NRF1: variants seen among roughly 807,000 people sequenced by gnomAD.
NRF1 encodes the protein nuclear respiratory factor 1.
Under a neutral mutation model 58.5 loss-of-function variants are expected in NRF1, and 5 were observed. That is an observed-to-expected ratio of 0.09 (90% confidence interval 0.04 to 0.18). The LOEUF is 0.18. Among genes scored for constraint, NRF1 ranks in the 10% least tolerant of loss-of-function variants. The pLI is 1.00. For synonymous variants in NRF1, 224 were observed against 246.7 expected (o/e 0.91, Z 0.86); for missense variants, 288 against 657.7 (o/e 0.44, Z 6.15).
intron 1 of NRF1, among the ~76,000 whole-genome samples, chr7:129,620,053 G>T (rs527359188): frequency 6.6e-6 from 1 of 152,156 alleles, no homozygotes; most frequent in African/African-American, 2.4e-5. Context: ...AAAAGTCAAG[G>T]GCCTTTACTA....
intron 7 of NRF1, 41 bp downstream of exon 7, chr7:129,710,612 T>C (rs1405114513): frequency 9.9e-7 from 1 of 1,012,980 alleles, no homozygotes; most frequent in Non-Finnish European, 1.6e-6. Flanking sequence ...GCTTCTGAGA[T>C]GGATCAGTGG....
intron 4 of NRF1, 36 bp downstream of exon 4, chr7:129,677,794 G>T (rs1323931225): frequency 6.2e-7 from 1 of 1,608,816 alleles, no homozygotes; most frequent in South Asian, 1.1e-5. Context: ...TTTGCCCTTT[G>T]CTTTCTGTCG....
At chr7:129,659,072 A>ATTTTTT (rs1562962257) in intron 2 of NRF1, among the ~76,000 whole-genome samples, 1 of 80,944 alleles carries the variant, frequency 1.2e-5, no homozygotes, top group Non-Finnish European at 2.2e-5. Flanking sequence ...ACACCACAGG[A>ATTTTTT]CTTTTTTTTT....
At chr7:129,647,248 C>T (rs900574467) in intron 1 of NRF1, among the ~76,000 whole-genome samples, 3 of 151,748 alleles carry the variant, frequency 2.0e-5, no homozygotes, top group South Asian at 2.1e-4. Flanking sequence ...CATGTTGGCC[C>T]GGCTGACTCC....
rs143828550 is a variant in NRF1 at position 129,612,868 on chromosome 7, C to G, written c.-7+1044C>G. Among the ~76,000 whole-genome samples the G allele has an allele frequency of 2.2e-3, 330 of 152,328 alleles. 3 individuals carry two copies. The highest frequency in any genetic ancestry group is 7.2e-3 in the African/African-American group (298 of 41,564). ...CTGCAGTGTATTTGGCTGTGCCCAC[C>G]AGAACTTGAAGTTGTTTAAAAATCT... On this transcript the variant is annotated intron_variant, in intron 1 of 10. Transcript: ENST00000393232.
intron 3 of NRF1, among the ~76,000 whole-genome samples, chr7:129,675,236 C>T (rs1180667061): frequency 6.6e-6 from 1 of 152,178 alleles, no homozygotes; most frequent in Non-Finnish European, 1.5e-5. Flanking sequence ...AATTCTGGTT[C>T]TTTCACTGTT....
At chr7:129,700,877 C>T (rs1802808623) in intron 5 of NRF1, among the ~76,000 whole-genome samples, 1 of 152,092 alleles carries the variant, frequency 6.6e-6, no homozygotes, top group Non-Finnish European at 1.5e-5. Flanking sequence ...GATCATGCCA[C>T]TGTACTTCAG....
In NRF1 at chr7:129,619,396, G is replaced by GTGTGTATATA. The variant is rs1491323365; in HGVS notation, c.-7+7573_-7+7574insGTGTATATAT. Among the ~76,000 whole-genome samples, 4 of 47,358 alleles carry GTGTGTATATA rather than the reference G, an allele frequency of 8.4e-5. 1 individual carries two copies. Among genetic ancestry groups the GTGTGTATATA allele is most frequent in the Admixed American group, 3.5e-4 (1 of 2,894 alleles). The allele number at this position is 47,358 out of a possible 152,430, so 31.1% of individuals were successfully genotyped here. ...GATAAAAACTGGACTTGGCATACGT[G>GTGTGTATATA]TATATATATATATATATATATATAT... On this transcript the variant is annotated intron_variant, in intron 1 of 10. Transcript: ENST00000393232.
At chr7:129,660,437 T>C (rs908056486) in intron 2 of NRF1, among the ~76,000 whole-genome samples, 2 of 150,922 alleles carry the variant, frequency 1.3e-5, no homozygotes, top group African/African-American at 5.0e-5. Context: ...CCTCTGCCTA[T>C]GAGCCTGTAA....
chr7:129,644,606 C>T (rs1186540100), intron 1 of NRF1, among the ~76,000 whole-genome samples: 1 of 152,222 alleles, frequency 6.6e-6, no homozygotes, highest in African/African-American at 2.4e-5. Flanking sequence ...CAGTAGTCCA[C>T]ATGTCCAGCT....
At chr7:129,754,938 A>C in intron 10 of NRF1, 80 bp from the exon 11 acceptor site, 3 of 1,414,298 alleles carry the variant, frequency 2.1e-6, no homozygotes, top group Non-Finnish European at 1.9e-6. Context: ...CTCAAAGGCA[A>C]GACTTGGGTG....
intron 1 of NRF1, among the ~76,000 whole-genome samples, chr7:129,654,742 C>T (rs1242291873): frequency 6.6e-6 from 1 of 152,190 alleles, no homozygotes; most frequent in Non-Finnish European, 1.5e-5. Flanking sequence ...ATTGCCTTTG[C>T]TCCTTTCTCA....
At chr7:129,622,057 A>G (rs918716613) in intron 1 of NRF1, among the ~76,000 whole-genome samples, 1 of 152,104 alleles carries the variant, frequency 6.6e-6, no homozygotes, top group Non-Finnish European at 1.5e-5. Context: ...CTGGGATTAC[A>G]GGTGTGAGCC....
intron 10 of NRF1, among the ~76,000 whole-genome samples, chr7:129,742,641 T>C (rs1177249247): frequency 2.0e-5 from 3 of 152,192 alleles, no homozygotes; most frequent in Admixed American, 2.0e-4. Flanking sequence ...CAGAAATCTA[T>C]ATTTTAGGTG....
At chr7:129,744,391 T>TTATC (rs1803922858) in intron 10 of NRF1, among the ~76,000 whole-genome samples, 1 of 152,126 alleles carries the variant, frequency 6.6e-6, no homozygotes, top group African/African-American at 2.4e-5. Flanking sequence ...ATTCCATTGA[T>TTATC]TATCTGATTT....
rs1358874411 is a variant in NRF1 at position 129,634,059 on chromosome 7, T to TACAC, written c.-7+22236_-7+22237insCACA. ...AAAAAAAAAGATATATATATATATA[T>TACAC]ATACACACACACACACACACACACA... On this transcript the variant is annotated intron_variant, in intron 1 of 10. Coordinates refer to ENST00000393232, the MANE Select transcript of NRF1 (RefSeq NM_005011.5). 3.4e-3 allele frequency among the ~76,000 whole-genome samples: 429 copies of TACAC among 124,836 alleles called. 4 individuals are homozygous for TACAC. Among genetic ancestry groups the TACAC allele is most frequent in the African/African-American group, 0.012 (406 of 33,124 alleles). 81.9% of individuals were successfully genotyped at this position (124,836 alleles called of 152,430 possible).
chr7:129,674,002 A>T (rs570589589), intron 3 of NRF1, among the ~76,000 whole-genome samples: 1 of 150,920 alleles, frequency 6.6e-6, no homozygotes, highest in African/African-American at 2.4e-5. Flanking sequence ...TAAGCCAGGC[A>T]TGGTGGCAGG....
chr7:129,628,929 A>C (rs532845674), intron 1 of NRF1, among the ~76,000 whole-genome samples: 1 of 152,362 alleles, frequency 6.6e-6, no homozygotes, highest in South Asian at 2.1e-4. Flanking sequence ...GTTTATGGAG[A>C]TCTTTCAAAT....
chr7:129,615,518 T>C (rs7796981), intron 1 of NRF1, among the ~76,000 whole-genome samples: 3,558 of 152,334 alleles, frequency 0.023, 144 homozygotes, highest in African/African-American at 0.082. Context: ...TCAGGAAATG[T>C]TCTATACTAA....
Sources: gnomAD v4.1 joint callset for allele counts (sites outside exome capture counted in the v4.1 genomes callset) on GRCh38, gnomAD v4.1.1 for gene constraint, MANE v1.5 for transcripts, NCBI Gene and HGNC (gene_info 2026-07-23, HGNC 2026-07-21) for gene names.